Variants in EFNA2 observed in about 807,000 individuals in gnomAD.
EFNA2 encodes ephrin A2.
A neutral mutation model predicts 19.7 loss-of-function variants in EFNA2; 18 were observed. The observed-to-expected ratio is 0.91, with a 90% CI of 0.63 to 1.35. The LOEUF is 1.35. Among genes scored for constraint, EFNA2 ranks in the 40% most tolerant of loss-of-function variants. The pLI is 0.00. For missense variants in EFNA2, 303 were observed against 296.0 expected (o/e 1.02, Z -0.17); for synonymous variants, 187 against 137.8 (o/e 1.36, Z -2.50).
rs1301948826 is a variant in EFNA2 at position 1,286,233 on chromosome 19, C to T, written c.65C>T (p.Pro22Leu). ...CTGCTGTTACCGCTGCCGCCGCCGC[C>T]CTTCGCGCGCGCCGAGGACGCCGCC... ...LLLLLPLPPP[P>L]FARAEDAARA... Residue 22 changes from proline to leucine, a missense_variant, in exon 1 of 4, where the codon CCC becomes CTC. Transcript: ENST00000215368. This position sits in a 1 kb window ranked among gnomAD's most constrained non-coding sequence, Gnocchi z 5.6. 2 of 1,126,802 alleles carry T rather than the reference C, an allele frequency of 1.8e-6. No individual in the cohort carries two copies. Among genetic ancestry groups the T allele is most frequent in the East Asian group, 1.5e-4 (2 of 12,936 alleles). The allele number at this position is 1,126,802 out of a possible 1,614,324, so 69.8% of individuals were successfully genotyped here. A position where few individuals can be genotyped will look rare whatever the true frequency, so the allele number is the denominator to read the frequency against.
In EFNA2 at chr19:1,295,984, C is replaced by A. The variant is rs1178192567; in HGVS notation, c.454+126C>A. ...GGCGGGGCAGCGCAGTGGGCGGGGC[C>A]GCGGTGTGGGGCCAGGGGGGAGTGG... On this transcript the variant is annotated intron_variant, in intron 2 of 3. Coordinates refer to ENST00000215368, the MANE Select transcript of EFNA2 (RefSeq NM_001405.4). The surrounding 1 kb of genome is among the most constrained non-coding windows in gnomAD (Gnocchi z 5.8). 2.5e-5 allele frequency: 7 copies of A among 280,044 alleles called. No homozygotes were observed. Among genetic ancestry groups the A allele is most frequent in the Non-Finnish European group, 3.5e-5 (7 of 198,500 alleles). The allele number at this position is 280,044 out of a possible 1,614,324, so 17.3% of individuals were successfully genotyped here. A position where few individuals can be genotyped will look rare whatever the true frequency, so the allele number is the denominator to read the frequency against.
chr19:1,292,702 G>A (rs971307748), intron 1 of EFNA2, among the ~76,000 whole-genome samples: 2 of 152,156 alleles, frequency 1.3e-5, no homozygotes, highest in Non-Finnish European at 2.9e-5. Flanking sequence ...GAGGGGTGTG[G>A]ATTTTATTCT....
Position 1,296,092 on chromosome 19 carries a change from C to A in EFNA2, c.454+234C>A, listed in dbSNP as rs34631609. Among the ~76,000 whole-genome samples the A allele has an allele frequency of 0.14, 20,598 of 152,076 alleles. 1,975 individuals are homozygous for A. The highest frequency in any genetic ancestry group is 0.27 in the African/African-American group (11,231 of 41,426). On this transcript the variant is annotated intron_variant, in intron 2 of 3. Transcript: ENST00000215368. The surrounding 1 kb of genome is among the most constrained non-coding windows in gnomAD (Gnocchi z 4.4). ...GCCGGTGCTGGCCACTGACCCACCC[C>A]GGTCACTGACCCCCTCCAGATGTCA... is the stretch of plus-strand genomic sequence containing the variant.
chr19:1,299,709 T>A, intron 3 of EFNA2, 115 bp from the exon 4 acceptor site: 1 of 1,391,144 alleles, frequency 7.2e-7, no homozygotes, highest in Non-Finnish European at 9.5e-7. Flanking sequence ...GCAGAGGGCC[T>A]GCCTGGTGGG....
At position 1,297,506 on chromosome 19, in the gene EFNA2, G is replaced by T. The variant is rs1369737271; in HGVS notation, c.455-1045G>T. Reference sequence around the variant, plus strand: ...CTTCCAGTGTGAGGGGTTTCTAGGGGGCGGGCAGAGGTGGTGGCCATGAGA... The same window carrying T: ...CTTCCAGTGTGAGGGGTTTCTAGGGTGCGGGCAGAGGTGGTGGCCATGAGA... On this transcript the variant is annotated intron_variant, in intron 2 of 3. Coordinates refer to ENST00000215368, the MANE Select transcript of EFNA2 (RefSeq NM_001405.4). This position sits in a 1 kb window ranked among gnomAD's most constrained non-coding sequence, Gnocchi z 5.0. 1.3e-5 allele frequency among the ~76,000 whole-genome samples: 2 copies of T among 152,028 alleles called. No individual in the cohort carries two copies. The highest frequency in any genetic ancestry group is 2.9e-5 in the Non-Finnish European group (2 of 68,012).
Position 1,299,884 on chromosome 19 carries a change from C to T in EFNA2, c.581C>T (p.Pro194Leu), listed in dbSNP as rs377736910. ...ACCAGCAATAACTCGTGTAGCAGCC[C>T]GGGCGGCTGCCGCCTCTTCCTCAGC... is the stretch of plus-strand genomic sequence containing the variant. ...IFTSNNSCSS[P>L]GGCRLFLSTI... The change falls in exon 4 of 4, where the codon CCG becomes CTG. Residue 194 changes from proline (P) to leucine (L), a missense_variant. Transcript: ENST00000215368. 14 of 1,603,856 alleles carry T rather than the reference C, an allele frequency of 8.7e-6. 1 individual carries two copies. The Admixed American group carries it at 1.3e-4, about 15-fold the overall frequency.
In EFNA2 at chr19:1,286,436, G is replaced by A; in HGVS notation, c.140+128G>A. The stretch of plus-strand genomic sequence containing the variant: ...GCCGCCGCCGGGATGCGGGCGCCCG[G>A]TTCCCGCGGGAGCCCCCCAGGGAGC... On this transcript the variant is annotated intron_variant, in intron 1 of 3. Transcript: ENST00000215368. The surrounding 1 kb of genome is among the most constrained non-coding windows in gnomAD (Gnocchi z 5.6). The A allele has an allele frequency of 8.7e-6, 2 of 229,688 alleles. No individual in the cohort carries two copies. Among genetic ancestry groups the A allele is most frequent in the Non-Finnish European group, 1.4e-5 (2 of 140,050 alleles). 14.2% of individuals were successfully genotyped at this position (229,688 alleles called of 1,614,324 possible).
chr19:1,293,760 G>T (rs945033146), intron 1 of EFNA2, among the ~76,000 whole-genome samples: 1 of 152,210 alleles, frequency 6.6e-6, no homozygotes, highest in Non-Finnish European at 1.5e-5. Flanking sequence ...CGCCTCCGCC[G>T]CCCTGCCTTG....
At position 1,300,153 on chromosome 19, in the gene EFNA2, C is replaced by T. The variant is rs4807833; in HGVS notation, c.*208C>T. 6.2e-5 allele frequency: 39 copies of T among 631,608 alleles called. No homozygotes were observed. Among genetic ancestry groups the T allele is most frequent in the Non-Finnish European group, 7.7e-5 (31 of 404,634 alleles). 39.1% of individuals were successfully genotyped at this position (631,608 alleles called of 1,614,324 possible). ...AGGGGAAACGGCCGAGAGCCCCCCCCCGGAGGCCCGAGGGGCCGGGGTGTG... is the reference window on the plus strand; with the variant it reads ...AGGGGAAACGGCCGAGAGCCCCCCCTCGGAGGCCCGAGGGGCCGGGGTGTG... On this transcript the variant is annotated 3_prime_UTR_variant, in exon 4 of 4. Transcript: ENST00000215368.
Position 1,294,315 on chromosome 19 carries a change from G to T in EFNA2, c.141-1230G>T, listed in dbSNP as rs1465676687. On this transcript the variant is annotated intron_variant, in intron 1 of 3. Transcript: ENST00000215368. The surrounding 1 kb of genome is among the most constrained non-coding windows in gnomAD (Gnocchi z 5.8). ...AGGGCTCCTGCCGCCATCGCCCGAG[G>T]CAGTGAGGGAAGGGGAGCCGCCGGT... 2.0e-5 allele frequency among the ~76,000 whole-genome samples: 3 copies of T among 152,244 alleles called. No homozygotes were observed. Among genetic ancestry groups the T allele is most frequent in the Admixed American group, 2.0e-4 (3 of 15,284 alleles).
At position 1,296,443 on chromosome 19, in the gene EFNA2, G is replaced by A. The variant is rs2089960743; in HGVS notation, c.454+585G>A. 6.6e-6 allele frequency among the ~76,000 whole-genome samples: 1 copy of A among 152,186 alleles called. No homozygotes were observed. Among genetic ancestry groups the A allele is most frequent in the Non-Finnish European group, 1.5e-5 (1 of 68,030 alleles). On this transcript the variant is annotated intron_variant, in intron 2 of 3. Coordinates refer to ENST00000215368, the MANE Select transcript of EFNA2 (RefSeq NM_001405.4). The surrounding 1 kb of genome is among the most constrained non-coding windows in gnomAD (Gnocchi z 4.4). ...TGCAATCCCAGCACTTTGGGATGCC[G>A]AGGCGGGAGGATCACTTGAGGCCAG...
intron 1 of EFNA2, among the ~76,000 whole-genome samples, chr19:1,290,454 G>T (rs1003953399): frequency 6.6e-6 from 1 of 152,184 alleles, no homozygotes; most frequent in African/African-American, 2.4e-5. Flanking sequence ...ACCTTCCCCC[G>T]TCTCTGGGCT....
chr19:1,293,081 G>A (rs575516041), intron 1 of EFNA2, among the ~76,000 whole-genome samples: 40 of 152,158 alleles, frequency 2.6e-4, no homozygotes, highest in African/African-American at 9.7e-4. Flanking sequence ...TGGCTCCCTG[G>A]GGATCACTGC....
At position 1,295,941 on chromosome 19, in the gene EFNA2, G is replaced by T. The variant is rs2081512957; in HGVS notation, c.454+83G>T. The T allele has an allele frequency of 7.5e-7, 1 of 1,337,900 alleles. No individual in the cohort carries two copies. The highest frequency in any genetic ancestry group is 9.9e-7 in the Non-Finnish European group (1 of 1,014,530). 82.9% of individuals were successfully genotyped at this position (1,337,900 alleles called of 1,614,324 possible). A position where few individuals can be genotyped will look rare whatever the true frequency, so the allele number is the denominator to read the frequency against. ...GGCCAGGAAGTGGGCGGGACCACTGGGGTGGGGCCGGGGAGTGGGCGGGGC... is the reference window on the plus strand; with the variant it reads ...GGCCAGGAAGTGGGCGGGACCACTGTGGTGGGGCCGGGGAGTGGGCGGGGC... On this transcript the variant is annotated intron_variant, in intron 2 of 3. Coordinates refer to ENST00000215368, the MANE Select transcript of EFNA2 (RefSeq NM_001405.4). The surrounding 1 kb of genome is among the most constrained non-coding windows in gnomAD (Gnocchi z 5.8).
In EFNA2 at chr19:1,300,867, A is replaced by G. The variant is rs2081539620; in HGVS notation, c.*922A>G. Among the ~76,000 whole-genome samples the G allele has an allele frequency of 6.6e-6, 1 of 152,050 alleles. No homozygotes were observed. Among genetic ancestry groups the G allele is most frequent in the African/African-American group, 2.4e-5 (1 of 41,380 alleles). ...GAGAAGACCTTCTGTTCCTGTAAATACAGCCAGCAAGTGCAAACTGTGATT... is the reference window on the plus strand; with the variant it reads ...GAGAAGACCTTCTGTTCCTGTAAATGCAGCCAGCAAGTGCAAACTGTGATT... On this transcript the variant is annotated 3_prime_UTR_variant, in exon 4 of 4. Transcript: ENST00000215368.
Position 1,300,952 on chromosome 19 carries a change from A to AG in EFNA2, c.*1012dup, listed in dbSNP as rs943562778. On this transcript the variant is annotated 3_prime_UTR_variant, in exon 4 of 4. Coordinates refer to ENST00000215368, the MANE Select transcript of EFNA2 (RefSeq NM_001405.4). ...CGTCTATGTTTTTTCAGCCCTTCAT[A>AG]GGGGGTCTTTTATTTTGGTGGGGGG... is the stretch of plus-strand genomic sequence containing the variant. 1.4e-5 allele frequency among the ~76,000 whole-genome samples: 2 copies of AG among 147,714 alleles called. No homozygotes were observed. Among genetic ancestry groups the AG allele is most frequent in the African/African-American group, 5.1e-5 (2 of 39,100 alleles).
rs959013440 is a variant in EFNA2, at chr19:1,285,971, C to A, written c.-198C>A. Among the ~76,000 whole-genome samples the A allele has an allele frequency of 1.4e-5, 2 of 145,578 alleles. No individual in the cohort carries two copies. The highest frequency in any genetic ancestry group is 4.9e-5 in the African/African-American group (2 of 40,682). On this transcript the variant is annotated 5_prime_UTR_variant, in exon 1 of 4. Coordinates refer to ENST00000215368, the MANE Select transcript of EFNA2 (RefSeq NM_001405.4). This position sits in a 1 kb window ranked among gnomAD's most constrained non-coding sequence, Gnocchi z 4.1. The stretch of plus-strand genomic sequence containing the variant: ...CGCCCGGGGCGACCCCGGCGCCCCG[C>A]CCCGCCGCCGCCTGACTTCTCGGCG...
In EFNA2 at chr19:1,295,950, C is replaced by G; in HGVS notation, c.454+92C>G. ...GTGGGCGGGACCACTGGGGTGGGGC[C>G]GGGGAGTGGGCGGGGCAGCGCAGTG... On this transcript the variant is annotated intron_variant, in intron 2 of 3. Transcript: ENST00000215368. The surrounding 1 kb of genome is among the most constrained non-coding windows in gnomAD (Gnocchi z 5.8). 1 of 234,152 alleles carries G rather than the reference C, an allele frequency of 4.3e-6. No individual in the cohort carries two copies. Among genetic ancestry groups the G allele is most frequent in the Non-Finnish European group, 6.8e-6 (1 of 147,362 alleles). 14.5% of individuals were successfully genotyped at this position (234,152 alleles called of 1,614,324 possible).
chr19:1,291,839 G>A (rs1027516964), intron 1 of EFNA2, among the ~76,000 whole-genome samples: 7 of 152,210 alleles, frequency 4.6e-5, no homozygotes, highest in African/African-American at 9.6e-5. Flanking sequence ...CAGGAGGCCC[G>A]GGTGGGCAGG....
Sources: gnomAD v4.1 joint callset for allele counts (sites outside exome capture counted in the v4.1 genomes callset) on GRCh38, gnomAD v4.1.1 for gene constraint, Gnocchi (gnomAD v3.1) non-coding constraint, MANE v1.5 for transcripts, NCBI Gene and HGNC (gene_info 2026-07-23, HGNC 2026-07-21) for gene names.